PDZRN4: variants seen among roughly 807,000 people sequenced by gnomAD.
The protein encoded by PDZRN4 is PDZ domain containing ring finger 4, also known as PDZ domain-containing RING finger protein 4.
A neutral mutation model predicts 99.0 loss-of-function variants in PDZRN4; 70 were observed. The ratio of observed to expected loss-of-function variants is 0.71; its 90% CI spans 0.58 to 0.86. The LOEUF (loss-of-function observed/expected upper bound fraction) is 0.86. Ranked by LOEUF, PDZRN4 falls within the 40% of genes least tolerant of loss-of-function variation. The probability of loss-of-function intolerance (pLI) is 0.00; values close to 1 mark genes in which losing one functional copy is unlikely to be tolerated. For synonymous variants in PDZRN4, 551 were observed against 501.6 expected (o/e 1.10, Z -1.32); for missense variants, 1,474 against 1,331.2 (o/e 1.11, Z -1.67).
At chr12:41,489,499 G>A (rs948078055) in intron 3 of PDZRN4, among the ~76,000 whole-genome samples, 1 of 152,044 alleles carries the variant, frequency 6.6e-6, no homozygotes, top group Admixed American at 6.6e-5. Flanking sequence ...TAATCATGAG[G>A]GTAATGGAGC....
chr12:41,573,763 T>A lies in PDZRN4; in HGVS notation c.2984T>A (p.Met995Lys). ...INIIELSHKKMMKKRNKKILD... is the reference protein window; with the variant it reads ...INIIELSHKKKMKKRNKKILD... Reference sequence around the variant, plus strand: ...ATCATTGAACTGAGTCACAAAAAGATGATGAAAAAGAGAAACAAGAAAATT... The same window carrying A: ...ATCATTGAACTGAGTCACAAAAAGAAGATGAAAAAGAGAAACAAGAAAATT... Residue 995 changes from methionine to lysine, a missense_variant, in exon 10 of 10, where the codon ATG becomes AAG. By Grantham distance (95) the Met-to-Lys change is moderately conservative (BLOSUM62 -1). Transcript: ENST00000402685. 6.2e-7 allele frequency: 1 copy of A among 1,613,668 alleles called. No homozygotes were observed. The highest frequency in any genetic ancestry group is 8.5e-7 in the Non-Finnish European group (1 of 1,179,896).
At chr12:41,563,509 G>A in intron 7 of PDZRN4, 39 bp from the exon 8 acceptor site, 1 of 1,400,180 alleles carries the variant, frequency 7.1e-7, no homozygotes, top group South Asian at 1.2e-5. Flanking sequence ...CAGCATTGTG[G>A]AAATGGAAAC....
intron 3 of PDZRN4, among the ~76,000 whole-genome samples, chr12:41,465,042 C>A (rs1222873511): frequency 6.6e-6 from 1 of 152,076 alleles, no homozygotes; most frequent in Non-Finnish European, 1.5e-5. Context: ...CCAGGCTGGT[C>A]TCAAACTCCT....
At chr12:41,509,063 A>C (rs186499137) in intron 4 of PDZRN4, among the ~76,000 whole-genome samples, 2 of 152,312 alleles carry the variant, frequency 1.3e-5, no homozygotes, top group Admixed American at 1.3e-4. Flanking sequence ...TAACATGTTT[A>C]CAAACTATTT....
intron 3 of PDZRN4, among the ~76,000 whole-genome samples, chr12:41,216,465 A>G (rs901656407): frequency 5.3e-5 from 8 of 152,002 alleles, no homozygotes; most frequent in African/African-American, 1.9e-4. Context: ...GTTTGACTTG[A>G]ATATAAGACA....
intron 3 of PDZRN4, among the ~76,000 whole-genome samples, chr12:41,445,221 C>T (rs1329556939): frequency 6.6e-5 from 10 of 152,032 alleles, no homozygotes; most frequent in Admixed American, 6.6e-4. Context: ...AGATATTTGA[C>T]TCTTCGACTC....
rs185268341 is a variant in PDZRN4, at chr12:41,536,620, C to G, written c.1204-16036C>G. 1.4e-4 allele frequency among the ~76,000 whole-genome samples: 22 copies of G among 152,096 alleles called. 1 individual carries two copies. Among genetic ancestry groups the G allele is most frequent in the Admixed American group, 1.4e-3 (21 of 15,274 alleles). On this transcript the variant is annotated intron_variant, in intron 5 of 9. Coordinates refer to ENST00000402685, the MANE Select transcript of PDZRN4 (RefSeq NM_001164595.2). ...GTTAATGTAGTTTTATCAACTATTA[C>G]AAATATGCTACTCTGGTGGAGGATG...
At chr12:41,505,427 G>A (rs949104662) in intron 3 of PDZRN4, among the ~76,000 whole-genome samples, 5 of 152,038 alleles carry the variant, frequency 3.3e-5, no homozygotes, top group African/African-American at 9.7e-5. Flanking sequence ...CACAACTTCC[G>A]CTAAAAGGCT....
intron 3 of PDZRN4, among the ~76,000 whole-genome samples, chr12:41,299,940 A>T (rs986218294): frequency 3.7e-4 from 57 of 152,060 alleles, no homozygotes; most frequent in African/African-American, 1.3e-3. Flanking sequence ...ACCATCCCCT[A>T]TTAAAAATAG....
intron 3 of PDZRN4, among the ~76,000 whole-genome samples, chr12:41,463,747 CTTTG>C (rs1029452436): frequency 5.3e-5 from 8 of 152,168 alleles, no homozygotes; most frequent in African/African-American, 1.7e-4. Context: ...CTCACACCCA[CTTTG>C]TTTGTAAGTA....
chr12:41,404,784 CAT>C (rs900513930), intron 3 of PDZRN4, among the ~76,000 whole-genome samples: 4 of 150,112 alleles, frequency 2.7e-5, no homozygotes, highest in African/African-American at 9.8e-5. Flanking sequence ...AAATCAGACA[CAT>C]AGACAAATGG....
At chr12:41,528,524 A>G (rs1196636695) in intron 5 of PDZRN4, among the ~76,000 whole-genome samples, 2 of 152,238 alleles carry the variant, frequency 1.3e-5, no homozygotes, top group Non-Finnish European at 2.9e-5. Context: ...CTGTGTGGTC[A>G]TCAGCAAAAC....
chr12:41,338,285 T>G (rs1452486779), intron 3 of PDZRN4, among the ~76,000 whole-genome samples: 2 of 152,166 alleles, frequency 1.3e-5, no homozygotes, highest in African/African-American at 4.8e-5. Context: ...CATTCATTCA[T>G]ATAGTATTTA....
chr12:41,360,142 C>CT (rs1178732407), intron 3 of PDZRN4, among the ~76,000 whole-genome samples: 1 of 151,904 alleles, frequency 6.6e-6, no homozygotes, highest in African/African-American at 2.4e-5. Context: ...ACTTCTATTT[C>CT]TTTTGTACTC....
chr12:41,290,776 T>A (rs1363365745), intron 3 of PDZRN4, among the ~76,000 whole-genome samples: 1 of 152,150 alleles, frequency 6.6e-6, no homozygotes, highest in Non-Finnish European at 1.5e-5. Context: ...TCATTTTTCA[T>A]GGTCTAATGA....
chr12:41,372,608 G>T (rs1187317136), intron 3 of PDZRN4, among the ~76,000 whole-genome samples: 1 of 152,158 alleles, frequency 6.6e-6, no homozygotes, highest in Non-Finnish European at 1.5e-5. Flanking sequence ...TTCACGTACA[G>T]GGAATAGCAT....
intron 5 of PDZRN4, among the ~76,000 whole-genome samples, chr12:41,514,824 T>C (rs566958885): frequency 3.9e-5 from 6 of 152,206 alleles, no homozygotes; most frequent in African/African-American, 1.4e-4. Flanking sequence ...GTTTTAATCC[T>C]AATGCCATTT....
At chr12:41,363,058 G>A (rs572000458) in intron 3 of PDZRN4, among the ~76,000 whole-genome samples, 87 of 152,176 alleles carry the variant, frequency 5.7e-4, no homozygotes, top group Non-Finnish European at 5.1e-4. Context: ...CCACCCCACA[G>A]TTTGAGAGCA....
intron 3 of PDZRN4, among the ~76,000 whole-genome samples, chr12:41,307,123 G>T (rs988233385): frequency 1.3e-5 from 2 of 151,980 alleles, no homozygotes; most frequent in African/African-American, 4.8e-5. Flanking sequence ...ATTTTTTTCA[G>T]TATTTGTTAT....
Sources: allele counts gnomAD v4.1 joint callset (sites outside exome capture counted in the v4.1 genomes callset), GRCh38; gene constraint gnomAD v4.1.1; transcripts MANE v1.5; gene names NCBI Gene and HGNC (gene_info 2026-07-23, HGNC 2026-07-21).